The following CPS1 variants were observed in gnomAD, a reference collection of about 807,000 sequenced individuals.
CPS1 encodes carbamoyl-phosphate synthase [ammonia], mitochondrial.
A neutral mutation model predicts 174.6 loss-of-function variants in CPS1; 109 were observed. That is an observed-to-expected ratio of 0.62 (90% CI 0.53 to 0.73). The LOEUF is 0.73. CPS1 is among the 30% of genes least tolerant of loss of function. The pLI is 0.00. For missense variants in CPS1, 1,689 were observed against 1,821.9 expected, an observed-to-expected ratio of 0.93 and a Z score of 1.33; for synonymous variants, 637 against 632.0, an observed-to-expected ratio of 1.01 and a Z score of -0.12.
At chr2:210,653,983 C>T (rs189455935) in intron 28 of CPS1, 42 bp from the exon 29 acceptor site, 275 of 1,463,068 alleles carry the variant, frequency 1.9e-4, no homozygotes, top group Non-Finnish European at 2.4e-4. Flanking sequence ...ATATACATAG[C>T]GTTAGCTAAA....
intron 21 of CPS1, among the ~76,000 whole-genome samples, chr2:210,625,295 A>G (rs187566080): frequency 9.9e-5 from 15 of 152,204 alleles, no homozygotes; most frequent in Admixed American, 9.8e-4. Context: ...CCAGTCATTG[A>G]ATCTATAATA....
chr2:210,670,388 C>G (rs182432775), intron 34 of CPS1, among the ~76,000 whole-genome samples: 6 of 152,142 alleles, frequency 3.9e-5, no homozygotes, highest in Admixed American at 6.5e-5. Context: ...ACAGAATATA[C>G]TAAATGGAGA....
upstream of CPS1, chr2:210,556,493 G>C: frequency 2.5e-6 from 3 of 1,185,192 alleles, no homozygotes; most frequent in South Asian, 4.0e-5. Context: ...GTTGCAATTT[G>C]TGTTACATGC....
At chr2:210,544,030 T>A (rs1696499998) in intron 1 of CPS1, among the ~76,000 whole-genome samples, 2 of 152,088 alleles carry the variant, frequency 1.3e-5, no homozygotes, top group South Asian at 4.1e-4. Context: ...TCTCATTAAC[T>A]CGTACACATC....
chr2:210,528,380 A>G (rs1281826293), intron 1 of CPS1, among the ~76,000 whole-genome samples: 1 of 151,964 alleles, frequency 6.6e-6, no homozygotes, highest in Non-Finnish European at 1.5e-5. Flanking sequence ...CTTTCTGGTA[A>G]TATTTTAAGT....
intron 21 of CPS1, among the ~76,000 whole-genome samples, chr2:210,621,024 A>G (rs1699505477): frequency 6.6e-6 from 1 of 152,142 alleles, no homozygotes; most frequent in African/African-American, 2.4e-5. Flanking sequence ...TTACCAGCTT[A>G]GGTAATAACC....
intron 1 of CPS1, among the ~76,000 whole-genome samples, chr2:210,499,787 C>T (rs775518352): frequency 9.9e-5 from 15 of 152,094 alleles, no homozygotes; most frequent in Admixed American, 8.5e-4. Context: ...TCCCCTCTCA[C>T]GTACTGGGGC....
At chr2:210,506,629 A>G (rs895390170) in intron 1 of CPS1, among the ~76,000 whole-genome samples, 17 of 152,210 alleles carry the variant, frequency 1.1e-4, no homozygotes, top group African/African-American at 3.9e-4. Flanking sequence ...AAAACCTTGA[A>G]AAAAGATTAG....
chr2:210,577,274 ATT>A (rs55986465), intron 3 of CPS1, 145 bp from the exon 4 acceptor site: 1,324 of 564,448 alleles, frequency 2.3e-3, no homozygotes, highest in Non-Finnish European at 2.5e-3. Context: ...AAGGGCATTG[ATT>A]TTTTTTTTTT....
intron 1 of CPS1, among the ~76,000 whole-genome samples, chr2:210,498,460 A>G (rs1306959258): frequency 6.6e-6 from 1 of 151,656 alleles, no homozygotes; most frequent in Non-Finnish European, 1.5e-5. Flanking sequence ...TCTCAGCTTG[A>G]GTGTTATTGG....
At chr2:210,509,646 A>C (rs546025838) in intron 1 of CPS1, among the ~76,000 whole-genome samples, 3 of 152,314 alleles carry the variant, frequency 2.0e-5, no homozygotes, top group East Asian at 3.9e-4. Context: ...GTCTCAGCCC[A>C]AAATCTCCTT....
rs370139159 is a variant in CPS1, at chr2:210,501,417, A to G, written c.3+23651A>G. 2.0e-5 allele frequency among the ~76,000 whole-genome samples: 3 copies of G among 152,230 alleles called. No homozygotes were observed. In the East Asian group the frequency reaches 5.8e-4, roughly 29 times the overall value. Reference sequence around the variant, plus strand: ...TTTATGCTCTGCTTCCCTTTTAAACATAAGTTGCAATCCCAAACCATATCT... The same window carrying G: ...TTTATGCTCTGCTTCCCTTTTAAACGTAAGTTGCAATCCCAAACCATATCT... On this transcript the variant is annotated intron_variant, in intron 1 of 38. Coordinates refer to the CPS1 transcript ENST00000430249.
At chr2:210,655,536 C>T (rs1700675762) in intron 29 of CPS1, among the ~76,000 whole-genome samples, 1 of 152,068 alleles carries the variant, frequency 6.6e-6, no homozygotes, top group African/African-American at 2.4e-5. Flanking sequence ...GGGTGAATGC[C>T]TCCCCTTTTC....
chr2:210,557,906 G>A (rs1216875146), intron 1 of CPS1, among the ~76,000 whole-genome samples: 2 of 151,842 alleles, frequency 1.3e-5, no homozygotes, highest in East Asian at 3.9e-4. Context: ...CACCTGCAAG[G>A]CCAAGGAATA....
chr2:210,601,909 T>G (rs1020222393), intron 15 of CPS1, among the ~76,000 whole-genome samples: 2 of 151,880 alleles, frequency 1.3e-5, no homozygotes, highest in Non-Finnish European at 2.9e-5. Context: ...CTCAAATGAA[T>G]GATGATTATT....
chr2:210,564,856 G>C (rs530420780), intron 1 of CPS1, among the ~76,000 whole-genome samples: 32 of 151,960 alleles, frequency 2.1e-4, no homozygotes, highest in Non-Finnish European at 4.0e-4. Flanking sequence ...GCTGGGTGTG[G>C]TGGCGCAAAG....
intron 1 of CPS1, among the ~76,000 whole-genome samples, chr2:210,517,377 G>A (rs1411034144): frequency 6.6e-6 from 1 of 152,000 alleles, no homozygotes; most frequent in Non-Finnish European, 1.5e-5. Flanking sequence ...TTATTGTAAA[G>A]TAAAGGTTTC....
At chr2:210,646,000 A>G (rs1280775027) in intron 25 of CPS1, among the ~76,000 whole-genome samples, 1 of 152,238 alleles carries the variant, frequency 6.6e-6, no homozygotes, top group Non-Finnish European at 1.5e-5. Flanking sequence ...TTCCTTAAAA[A>G]GCAGAAATTT....
At chr2:210,593,380 G>A in intron 11 of CPS1, 7 of 1,074,732 alleles carry the variant, frequency 6.5e-6, no homozygotes, top group Non-Finnish European at 7.9e-6. Flanking sequence ...ATAAACAGCA[G>A]CAGGAGAAGG....
Sources: allele counts gnomAD v4.1 joint callset (sites outside exome capture counted in the v4.1 genomes callset), GRCh38; gene constraint gnomAD v4.1.1; transcripts MANE v1.5; gene names NCBI Gene and HGNC (gene_info 2026-07-23, HGNC 2026-07-21).